TMEFF1: variants seen among roughly 807,000 people sequenced by gnomAD.
TMEFF1 encodes the protein transmembrane protein with EGF like and two follistatin like domains 1, also known as tomoregulin-1.
A neutral mutation model predicts 47.5 loss-of-function variants in TMEFF1; 20 were observed. That is an observed-to-expected ratio of 0.42 (90% CI 0.30 to 0.61). TMEFF1 has a LOEUF of 0.61. TMEFF1 is among the 20% of genes least tolerant of loss of function. The pLI is 0.19. For missense variants in TMEFF1, 411 were observed against 471.1 expected (o/e 0.87, Z 1.18); for synonymous variants, 162 against 166.3 (o/e 0.97, Z 0.20).
intron 8 of TMEFF1, among the ~76,000 whole-genome samples, chr9:100,563,514 A>G (rs982342982): frequency 3.9e-5 from 6 of 152,364 alleles, no homozygotes; most frequent in Admixed American, 6.5e-5. Flanking sequence ...GACCTGGCCA[A>G]TTATTAGCTG....
intron 1 of TMEFF1, among the ~76,000 whole-genome samples, chr9:100,476,745 G>GGA (rs1837237605): frequency 7.5e-6 from 1 of 133,534 alleles, no homozygotes; most frequent in African/African-American, 2.9e-5. Context: ...CACCCAGGCT[G>GGA]GAGTGCAGTG....
chr9:100,571,283 C>T (rs969821379), intron 8 of TMEFF1, among the ~76,000 whole-genome samples: 4 of 151,932 alleles, frequency 2.6e-5, no homozygotes, highest in African/African-American at 4.8e-5. Flanking sequence ...TATAGAAAAG[C>T]GCATATTCAC....
intron 3 of TMEFF1, 146 bp from the exon 4 acceptor site, chr9:100,513,161 A>G (rs1837999167): frequency 2.7e-6 from 3 of 1,095,848 alleles, no homozygotes; most frequent in South Asian, 3.2e-5. Flanking sequence ...ATAAGTATGT[A>G]AGAATAAATA....
At chr9:100,507,374 C>T (rs1237478401) in intron 2 of TMEFF1, among the ~76,000 whole-genome samples, 1 of 152,090 alleles carries the variant, frequency 6.6e-6, no homozygotes, top group Non-Finnish European at 1.5e-5. Context: ...GGGTACCTAC[C>T]CAGTAATGAG....
At chr9:100,534,014 G>C (rs1047242641) in intron 5 of TMEFF1, among the ~76,000 whole-genome samples, 8 of 152,140 alleles carry the variant, frequency 5.3e-5, no homozygotes, top group African/African-American at 1.7e-4. Context: ...ACCACTCCCG[G>C]CCTTTATCTA....
At chr9:100,521,402 A>G (rs1383158214) in intron 5 of TMEFF1, among the ~76,000 whole-genome samples, 1 of 152,174 alleles carries the variant, frequency 6.6e-6, no homozygotes, top group African/African-American at 2.4e-5. Context: ...GCTCCAAGAA[A>G]TATGACTCCC....
At chr9:100,566,766 G>A (rs1839133736) in intron 8 of TMEFF1, among the ~76,000 whole-genome samples, 1 of 151,862 alleles carries the variant, frequency 6.6e-6, no homozygotes, top group Non-Finnish European at 1.5e-5. Flanking sequence ...GTGCAGTGGT[G>A]TGATTTCAGG....
intron 5 of TMEFF1, among the ~76,000 whole-genome samples, chr9:100,525,903 C>G (rs1480772023): frequency 6.7e-6 from 1 of 148,246 alleles, no homozygotes; most frequent in Non-Finnish European, 1.5e-5. Context: ...CTAGAAATTC[C>G]TTTGTCTCTC....
intron 8 of TMEFF1, among the ~76,000 whole-genome samples, chr9:100,572,168 T>A (rs761757976): frequency 6.6e-6 from 1 of 152,112 alleles, no homozygotes; most frequent in Non-Finnish European, 1.5e-5. Context: ...GCAAATTTAA[T>A]TTAAAAAGTG....
chr9:100,532,512 G>A (rs1453321293), intron 5 of TMEFF1, among the ~76,000 whole-genome samples: 2 of 152,116 alleles, frequency 1.3e-5, no homozygotes, highest in African/African-American at 4.8e-5. Flanking sequence ...GGCCATCAGA[G>A]AAATGCAAAT....
chr9:100,488,555 A>G (rs1837492672), intron 1 of TMEFF1, among the ~76,000 whole-genome samples: 1 of 152,210 alleles, frequency 6.6e-6, no homozygotes, highest in East Asian at 1.9e-4. Flanking sequence ...TACTTTCTCC[A>G]GAACTGGTGC....
chr9:100,546,877 C>T (rs534187788), intron 5 of TMEFF1, among the ~76,000 whole-genome samples: 1 of 152,270 alleles, frequency 6.6e-6, no homozygotes, highest in South Asian at 2.1e-4. Context: ...CTTTTGCCTT[C>T]TCTGTAGTAC....
At chr9:100,536,332 A>T (rs868665219) in intron 5 of TMEFF1, among the ~76,000 whole-genome samples, 1 of 152,164 alleles carries the variant, frequency 6.6e-6, no homozygotes, top group African/African-American at 2.4e-5. Flanking sequence ...GGCTCAAAAA[A>T]TTTTTTAAAT....
At chr9:100,527,555 C>T (rs1361762273) in intron 5 of TMEFF1, among the ~76,000 whole-genome samples, 3 of 152,192 alleles carry the variant, frequency 2.0e-5, no homozygotes, top group Non-Finnish European at 4.4e-5. Context: ...CGGCACACCA[C>T]GAGATTATAT....
At chr9:100,548,111 G>A (rs1403884055) in intron 6 of TMEFF1, among the ~76,000 whole-genome samples, 5 of 150,724 alleles carry the variant, frequency 3.3e-5, no homozygotes, top group Admixed American at 1.3e-4. Context: ...TTTTTATTTA[G>A]TTAGTTCTTG....
chr9:100,572,489 A>C, intron 8 of TMEFF1, 29 bp from the exon 9 acceptor site: 1 of 1,511,868 alleles, frequency 6.6e-7, no homozygotes, highest in Non-Finnish European at 8.8e-7. Flanking sequence ...TGTAATTTTC[A>C]TAGGAATATA....
intron 1 of TMEFF1, among the ~76,000 whole-genome samples, chr9:100,476,382 C>T (rs1837228399): frequency 6.6e-6 from 1 of 152,006 alleles, no homozygotes; most frequent in South Asian, 2.1e-4. Flanking sequence ...CCCCCACAAA[C>T]TGAAGTTTAC....
At chr9:100,510,973 T>A (rs1208518255) in intron 3 of TMEFF1, among the ~76,000 whole-genome samples, 1 of 152,112 alleles carries the variant, frequency 6.6e-6, no homozygotes, top group African/African-American at 2.4e-5. Flanking sequence ...TCCAGTGTGG[T>A]CAGCACCCTC....
chr9:100,550,301 A>G (rs1304866731), intron 7 of TMEFF1, 141 bp downstream of exon 7: 2 of 676,780 alleles, frequency 3.0e-6, no homozygotes, highest in African/African-American at 3.7e-5. Context: ...AATTATTAGT[A>G]TTAATAGTAA....
Sources: gnomAD v4.1 joint callset for allele counts (sites outside exome capture counted in the v4.1 genomes callset) on GRCh38, gnomAD v4.1.1 for gene constraint, MANE v1.5 for transcripts, NCBI Gene and HGNC (gene_info 2026-07-23, HGNC 2026-07-21) for gene names.